HERC1: variants seen among roughly 807,000 people sequenced by gnomAD.
HERC1 encodes the protein HECT and RLD domain containing E3 ubiquitin protein ligase family member 1, also known as probable E3 ubiquitin-protein ligase HERC1.
A neutral mutation model predicts 554.3 loss-of-function variants in HERC1; 160 were observed. The observed-to-expected ratio is 0.29, with a 90% CI of 0.25 to 0.33. HERC1 has a LOEUF of 0.33. Among genes scored for constraint, HERC1 ranks in the 10% least tolerant of loss-of-function variants. HERC1 has a pLI of 1.00. For missense variants in HERC1, 4,919 were observed against 5,918.5 expected (o/e 0.83, Z 5.54); for synonymous variants, 2,175 against 2,131.7 (o/e 1.02, Z -0.56).
intron 24 of HERC1, among the ~76,000 whole-genome samples, chr15:63,711,579 A>C (rs537114089): frequency 6.6e-6 from 1 of 152,308 alleles, no homozygotes; most frequent in Admixed American, 6.5e-5. Flanking sequence ...AGCTTTTTTA[A>C]AACAATAACT....
chr15:63,828,425 C>T (rs1228650844), intron 1 of HERC1, among the ~76,000 whole-genome samples: 1 of 151,958 alleles, frequency 6.6e-6, no homozygotes, highest in Non-Finnish European at 1.5e-5. Context: ...CCGCAACCTC[C>T]GCCTCCCAGG....
At chr15:63,832,268 T>A (rs1270203908) in intron 1 of HERC1, among the ~76,000 whole-genome samples, 3 of 152,166 alleles carry the variant, frequency 2.0e-5, no homozygotes, top group Non-Finnish European at 4.4e-5. Flanking sequence ...AGGTGCAGAA[T>A]ACGTGTGTGT....
rs1354711538 is a variant in HERC1, at chr15:63,749,563, T to C, written c.2048-25A>G. On this transcript the variant is annotated intron_variant, in intron 9 of 77. Transcript: ENST00000443617. This position sits in a 1 kb window ranked among gnomAD's most constrained non-coding sequence, Gnocchi z 4.1. ...TCTAAAAACAAAATATAAAGTATTA[T>C]ATAAAAGAAAAGCCAAATTCAAATG... 2 of 1,578,418 alleles carry C rather than the reference T, an allele frequency of 1.3e-6. No individual in the cohort carries two copies. Among genetic ancestry groups the C allele is most frequent in the East Asian group, 2.3e-5 (1 of 42,580 alleles).
intron 48 of HERC1, among the ~76,000 whole-genome samples, chr15:63,657,979 C>A (rs768282737): frequency 2.2e-4 from 34 of 152,152 alleles, no homozygotes; most frequent in Non-Finnish European, 4.3e-4. Flanking sequence ...TTTCTTAACT[C>A]TCTTCTGTAC....
At chr15:63,623,678 C>G (rs2068183246) in intron 73 of HERC1, 47 bp downstream of exon 73, 2 of 1,570,692 alleles carry the variant, frequency 1.3e-6, no homozygotes, top group South Asian at 2.2e-5. Context: ...AGCAAAATGG[C>G]CACTAGCAGA....
intron 76 of HERC1, among the ~76,000 whole-genome samples, chr15:63,614,210 A>G (rs2067718877): frequency 6.6e-6 from 1 of 152,156 alleles, no homozygotes; most frequent in African/African-American, 2.4e-5. Flanking sequence ...TGTCCATCCA[A>G]CCCTCAGAAG....
At chr15:63,829,561 G>GTGTGTGTATATATATATATATA (rs1220043639) in intron 1 of HERC1, among the ~76,000 whole-genome samples, 16 of 81,722 alleles carry the variant, frequency 2.0e-4, no homozygotes, top group South Asian at 1.5e-3. Context: ...GTGTGTGTGT[G>GTGTGTGTATATATATATATATA]TATATATATA....
At chr15:63,630,424 T>C (rs2068495745) in intron 69 of HERC1, 42 bp downstream of exon 69, 2 of 1,581,010 alleles carry the variant, frequency 1.3e-6, no homozygotes, top group East Asian at 2.2e-5. Flanking sequence ...CACTGTGAGA[T>C]TTCTAGAATA....
chr15:63,734,804 G>A lies in HERC1; in HGVS notation c.2566C>T (p.Pro856Ser). The A allele has an allele frequency of 6.2e-7, 1 of 1,608,566 alleles. No individual in the cohort carries two copies. The highest frequency in any genetic ancestry group is 1.3e-5 in the African/African-American group (1 of 74,578). Residue 856 changes from proline to serine, a missense_variant, in exon 13 of 78, where the codon CCA becomes TCA. Pro to Ser is a moderately conservative substitution (Grantham distance 74, BLOSUM62 -1). This residue lies in a region of HERC1 where 744 missense variants were observed against 1,090.0 expected (regional missense o/e 0.68). Coordinates refer to ENST00000443617, the MANE Select transcript of HERC1 (RefSeq NM_003922.4). The surrounding 1 kb of genome is among the most constrained non-coding windows in gnomAD (Gnocchi z 4.6). Reference sequence around the variant, plus strand: ...AGTAATTCCATCCGTTCTCGTAATGGAGGTAACAGCATGGTTGCTCCCACT... The same window carrying A: ...AGTAATTCCATCCGTTCTCGTAATGAAGGTAACAGCATGGTTGCTCCCACT... ...LSVGATMLLP[P>S]LRERMELLHS...
intron 1 of HERC1, among the ~76,000 whole-genome samples, chr15:63,790,842 AAC>A (rs1185750078): frequency 2.6e-5 from 4 of 151,804 alleles, no homozygotes; most frequent in Non-Finnish European, 4.4e-5. Flanking sequence ...GGAAAGGAAA[AAC>A]AAAAAAAGTT....
Position 63,609,016 on chromosome 15 carries a change from A to G in HERC1, c.*65T>C. 1 of 1,419,096 alleles carries G rather than the reference A, an allele frequency of 7.0e-7. No homozygotes were observed. Among genetic ancestry groups the G allele is most frequent in the South Asian group, 1.4e-5 (1 of 73,560 alleles). 87.9% of individuals were successfully genotyped at this position (1,419,096 alleles called of 1,614,324 possible). On this transcript the variant is annotated 3_prime_UTR_variant, in exon 78 of 78. Transcript: ENST00000443617. ...ATCTATGTAGTTACCATAAAAGTAT[A>G]TCAACATCAAATCAGAAGTGAGCAT...
At chr15:63,732,638 C>A (rs938206014) in intron 14 of HERC1, among the ~76,000 whole-genome samples, 2 of 152,178 alleles carry the variant, frequency 1.3e-5, no homozygotes, top group African/African-American at 4.8e-5. Context: ...CAAGGTTAAT[C>A]CCTTGCTCAT....
At chr15:63,784,943 A>G (rs1314383823) in intron 1 of HERC1, among the ~76,000 whole-genome samples, 1 of 152,230 alleles carries the variant, frequency 6.6e-6, no homozygotes, top group Non-Finnish European at 1.5e-5. Context: ...GCATTTTTAA[A>G]GAAATCCAAA....
intron 1 of HERC1, among the ~76,000 whole-genome samples, chr15:63,782,971 T>G (rs1295714209): frequency 1.3e-5 from 2 of 152,186 alleles, no homozygotes; most frequent in Non-Finnish European, 2.9e-5. Flanking sequence ...CATGATAAAA[T>G]TTTAACGGAT....
At position 63,744,110 on chromosome 15, in the gene HERC1, C is replaced by CTGTGTGTGTGTGTGTG. The variant is rs142936354; in HGVS notation, c.2520+2792_2520+2807dup. Among the ~76,000 whole-genome samples, 321 of 93,172 alleles carry CTGTGTGTGTGTGTGTG rather than the reference C, an allele frequency of 3.4e-3. 4 individuals are homozygous for CTGTGTGTGTGTGTGTG. The highest frequency in any genetic ancestry group is 0.012 in the East Asian group (13 of 1,102). 61.1% of individuals were successfully genotyped at this position (93,172 alleles called of 152,430 possible). ...CTTCCCTTACTTTCTCCCAAACAGA[C>CTGTGTGTGTGTGTGTG]TGTGTGTGTGTGTGTGTGTGTGTGT... On this transcript the variant is annotated intron_variant, in intron 12 of 77. Coordinates refer to ENST00000443617, the MANE Select transcript of HERC1 (RefSeq NM_003922.4).
intron 8 of HERC1, among the ~76,000 whole-genome samples, chr15:63,751,463 A>G (rs1453072829): frequency 1.3e-5 from 2 of 152,188 alleles, no homozygotes; most frequent in Non-Finnish European, 2.9e-5. Flanking sequence ...TAAGTGACAC[A>G]TCACTGTAAT....
chr15:63,772,417 T>A (rs969830923), intron 2 of HERC1, among the ~76,000 whole-genome samples: 38 of 151,786 alleles, frequency 2.5e-4, no homozygotes, highest in Non-Finnish European at 1.2e-4. Context: ...ACAAAGGTAA[T>A]GCAAAATAAA....
chr15:63,723,161 C>T, intron 19 of HERC1, 21 bp downstream of exon 19: 4 of 1,380,950 alleles, frequency 2.9e-6, no homozygotes, highest in South Asian at 2.0e-5. Flanking sequence ...AAATTTACTC[C>T]CTTTATCTTC....
chr15:63,786,736 T>A (rs765542428), intron 1 of HERC1, among the ~76,000 whole-genome samples: 2 of 152,150 alleles, frequency 1.3e-5, no homozygotes, highest in Non-Finnish European at 2.9e-5. Flanking sequence ...AGATTAGTAG[T>A]TGCCAGAGGC....
Sources: gnomAD v4.1 joint callset for allele counts (sites outside exome capture counted in the v4.1 genomes callset) on GRCh38, gnomAD v4.1.1 for gene constraint, gnomAD v4.1.1 regional missense constraint, Gnocchi (gnomAD v3.1) non-coding constraint, MANE v1.5 for transcripts, NCBI Gene and HGNC (gene_info 2026-07-23, HGNC 2026-07-21) for gene names.